ACER3: variants seen among roughly 807,000 people sequenced by gnomAD.
ACER3 encodes the protein alkCDase 3.
In ACER3, 16 loss-of-function variants were observed where a neutral mutation model predicts 48.9. That is an observed-to-expected ratio of 0.33 (90% CI 0.22 to 0.50). The LOEUF is 0.50. Among genes scored for constraint, ACER3 ranks in the 20% least tolerant of loss-of-function variants. ACER3 has a pLI of 0.98. For missense variants in ACER3, 227 were observed against 326.0 expected (o/e 0.70, Z 2.34); for synonymous variants, 109 against 107.8 (o/e 1.01, Z -0.07).
At chr11:76,963,807 G>T in intron 3 of ACER3, among the ~76,000 whole-genome samples, 1 of 151,558 alleles carries the variant, frequency 6.6e-6, no homozygotes, top group East Asian at 1.9e-4. Context: ...GCCACATTAT[G>T]CTGCGTTAAG....
rs534343930 is a variant in ACER3 at position 76,875,025 on chromosome 11, G to T, written c.103+13946G>T. ...TGACTGATTACTTCTTAGAGAATTA[G>T]GTGCTTTTTCTGTTTCCCTTTGAGG... On this transcript the variant is annotated intron_variant, in intron 1 of 10. Coordinates refer to ENST00000532485, the MANE Select transcript of ACER3 (RefSeq NM_018367.7). 5.9e-4 allele frequency among the ~76,000 whole-genome samples: 88 copies of T among 149,092 alleles called. 2 individuals carry two copies. Among genetic ancestry groups the T allele is most frequent in the South Asian group, 3.5e-3 (16 of 4,592 alleles).
intron 7 of ACER3, among the ~76,000 whole-genome samples, chr11:77,003,836 T>G (rs1555020351): frequency 6.6e-6 from 1 of 152,228 alleles, no homozygotes; most frequent in East Asian, 1.9e-4. Flanking sequence ...TGTTTCACAT[T>G]CAAGAGTTTG....
At chr11:76,901,324 C>A (rs890391559) in intron 1 of ACER3, among the ~76,000 whole-genome samples, 1 of 151,746 alleles carries the variant, frequency 6.6e-6, no homozygotes, top group African/African-American at 2.4e-5. Flanking sequence ...ATACTTCTGA[C>A]TTCAGGGACA....
chr11:76,894,228 G>C (rs781121265), intron 1 of ACER3, among the ~76,000 whole-genome samples: 1 of 152,186 alleles, frequency 6.6e-6, no homozygotes, highest in Non-Finnish European at 1.5e-5. Context: ...GTAGTGAGCC[G>C]TGGTTATGCC....
At chr11:76,933,750 C>T (rs1474987009) in intron 2 of ACER3, among the ~76,000 whole-genome samples, 2 of 151,986 alleles carry the variant, frequency 1.3e-5, no homozygotes, top group Non-Finnish European at 2.9e-5. Context: ...TTTTCTATTC[C>T]ACAAAACCAC....
chr11:76,879,495 T>C (rs541976670), intron 1 of ACER3, among the ~76,000 whole-genome samples: 1 of 152,294 alleles, frequency 6.6e-6, no homozygotes, highest in South Asian at 2.1e-4. Flanking sequence ...ACATCATGAG[T>C]GAACATCCTT....
intron 3 of ACER3, among the ~76,000 whole-genome samples, chr11:76,959,943 C>T (rs1193107450): frequency 6.6e-6 from 1 of 151,904 alleles, no homozygotes; most frequent in African/African-American, 2.4e-5. Flanking sequence ...TCCATCCTTA[C>T]TCTGAGGAGG....
intron 4 of ACER3, among the ~76,000 whole-genome samples, chr11:76,982,203 A>G (rs1311495976): frequency 4.8e-5 from 7 of 146,390 alleles, no homozygotes; most frequent in Non-Finnish European, 6.0e-5. Context: ...TATTCAATCT[A>G]TTCAAACCTT....
At chr11:77,014,871 T>C in intron 7 of ACER3, 145 bp from the exon 8 acceptor site, 1 of 635,906 alleles carries the variant, frequency 1.6e-6, no homozygotes, top group Non-Finnish European at 2.8e-6. Context: ...AATGATCACA[T>C]CTGTGAATAG....
intron 2 of ACER3, among the ~76,000 whole-genome samples, chr11:76,936,943 C>T (rs1947203602): frequency 6.6e-6 from 1 of 152,118 alleles, no homozygotes; most frequent in African/African-American, 2.4e-5. Context: ...TCTTGAACTC[C>T]TGACCTCAAG....
At chr11:76,955,126 A>C (rs1947801858) in intron 2 of ACER3, among the ~76,000 whole-genome samples, 1 of 152,212 alleles carries the variant, frequency 6.6e-6, no homozygotes, top group Non-Finnish European at 1.5e-5. Context: ...CCAGTGATAA[A>C]TATTGGCAAG....
At chr11:77,011,502 C>A in intron 7 of ACER3, 1 of 457,572 alleles carries the variant, frequency 2.2e-6, no homozygotes, top group Non-Finnish European at 2.9e-6. Context: ...TTTCTTGGGA[C>A]TCATTCTTGC....
chr11:76,869,294 G>A (rs1945181448), intron 1 of ACER3, among the ~76,000 whole-genome samples: 1 of 152,166 alleles, frequency 6.6e-6, no homozygotes, highest in Non-Finnish European at 1.5e-5. Flanking sequence ...GTTGGGTTGT[G>A]AGAACAGAGG....
rs1272378269 is a variant in ACER3 at position 77,024,609 on chromosome 11, G to C, written c.*4282G>C. 1 of 152,216 alleles carries C rather than the reference G, an allele frequency of 6.6e-6. No individual in the cohort carries two copies. Among genetic ancestry groups the C allele is most frequent in the Admixed American group, 6.5e-5 (1 of 15,284 alleles). 9.4% of individuals were successfully genotyped at this position (152,216 alleles called of 1,614,324 possible). ...CACAGTCTTCTCTGATAGGCCAGCA[G>C]AGCAGCTAAGGAGAAGACAGATCAT... On this transcript the variant is annotated 3_prime_UTR_variant, in exon 11 of 11. Transcript: ENST00000532485.
At chr11:77,006,974 T>C (rs1949164095) in intron 7 of ACER3, among the ~76,000 whole-genome samples, 1 of 152,004 alleles carries the variant, frequency 6.6e-6, no homozygotes, top group Non-Finnish European at 1.5e-5. Flanking sequence ...TATCCAGGCA[T>C]TGTGATATAT....
chr11:76,903,458 C>A (rs1405503950), intron 1 of ACER3, among the ~76,000 whole-genome samples: 2 of 96,758 alleles, frequency 2.1e-5, no homozygotes, highest in African/African-American at 7.6e-5. Context: ...CCCCCACCCG[C>A]CCCCGGCCCA....
chr11:76,981,321 T>G lies in ACER3; in HGVS notation c.321-4322T>G, dbSNP rs1394973376. ...CAGAAAGAGCCTGCTGTAGTACACT[T>G]TAAGTGACACTTAGAAGGAAATGAA... On this transcript the variant is annotated intron_variant, in intron 4 of 10. Transcript: ENST00000532485. Among the ~76,000 whole-genome samples, 3 of 152,332 alleles carry G rather than the reference T, an allele frequency of 2.0e-5. No individual in the cohort carries two copies. The South Asian group carries it at 6.2e-4, about 32-fold the overall frequency.
intron 2 of ACER3, among the ~76,000 whole-genome samples, chr11:76,933,087 G>A (rs1240701100): frequency 6.6e-6 from 1 of 150,474 alleles, no homozygotes; most frequent in African/African-American, 2.4e-5. Flanking sequence ...AACATTAAGG[G>A]GAATTAAGAT....
chr11:77,019,711 C>T lies in ACER3; in HGVS notation c.705-20C>T. 1 of 1,613,020 alleles carries T rather than the reference C, an allele frequency of 6.2e-7. No homozygotes were observed. Among genetic ancestry groups the T allele is most frequent in the South Asian group, 1.1e-5 (1 of 91,034 alleles). Reference sequence around the variant, plus strand: ...TCAAAATGAATCTGAAAAGCTTTCCCCCTCCCACTTTTCTTTCAGTTTGTA... The same window carrying T: ...TCAAAATGAATCTGAAAAGCTTTCCTCCTCCCACTTTTCTTTCAGTTTGTA... On this transcript the variant is annotated intron_variant, in intron 9 of 10. Transcript: ENST00000532485.
Sources: gnomAD v4.1 joint callset for allele counts (sites outside exome capture counted in the v4.1 genomes callset) on GRCh38, gnomAD v4.1.1 for gene constraint, MANE v1.5 for transcripts, NCBI Gene and HGNC (gene_info 2026-07-23, HGNC 2026-07-21) for gene names.